ADGB: variants seen among roughly 807,000 people sequenced by gnomAD.
ADGB encodes calpain-7-like protein.
Under a neutral mutation model 210.5 loss-of-function variants are expected in ADGB, and 172 were observed. That is an observed-to-expected ratio of 0.82 (90% CI 0.72 to 0.93). The LOEUF (loss-of-function observed/expected upper bound fraction) is 0.93. ADGB is among the 40% of genes least tolerant of loss of function. ADGB has a pLI of 0.00. For missense variants in ADGB, 2,025 were observed against 1,964.8 expected (o/e 1.03, Z -0.58); for synonymous variants, 658 against 662.7 (o/e 0.99, Z 0.11).
intron 29 of ADGB, among the ~76,000 whole-genome samples, chr6:146,781,477 A>C (rs1406311975): frequency 1.3e-5 from 2 of 152,056 alleles, no homozygotes; most frequent in East Asian, 3.8e-4. Context: ...TGAATTAAAA[A>C]AAAAAACCGA....
intron 13 of ADGB, 138 bp downstream of exon 13, chr6:146,701,208 C>A (rs917036684): frequency 3.0e-6 from 3 of 999,032 alleles, no homozygotes; most frequent in Non-Finnish European, 4.2e-6. Context: ...TAAAATAAAT[C>A]TCTTATGTAT....
At chr6:146,766,581 G>A (rs2114628360) in intron 28 of ADGB, among the ~76,000 whole-genome samples, 1 of 152,130 alleles carries the variant, frequency 6.6e-6, no homozygotes, top group East Asian at 1.9e-4. Context: ...GAATAAAACA[G>A]TAAAGAATAA....
At chr6:146,639,589 G>C (rs924588492) in intron 2 of ADGB, 3 of 151,968 alleles carry the variant, frequency 2.0e-5, no homozygotes, top group Non-Finnish European at 4.4e-5. Flanking sequence ...AACTATCCCT[G>C]TTTGCAGATG....
Position 146,814,450 on chromosome 6 carries a change from CAGG to C in ADGB, c.4819-576_4819-574del, listed in dbSNP as rs537644905. 1.5e-3 allele frequency among the ~76,000 whole-genome samples: 222 copies of C among 152,212 alleles called. 1 individual carries two copies. The Middle Eastern group carries it at 0.017, about 12-fold the overall frequency. On this transcript the variant is annotated intron_variant, in intron 35 of 35. Transcript: ENST00000397944. ...AAGAGCTAAGTGAAATCAGTTGATC[CAGG>C]AGGAGAGAGTGCAGTTAAGCAAGAA... is the stretch of plus-strand genomic sequence containing the variant.
Position 146,740,542 on chromosome 6 carries a change from A to G in ADGB, c.2972A>G (p.Tyr991Cys), listed in dbSNP as rs755468048. ...GAAACTAAGATTGCTTTTGCAGATT[A>G]TACTGTGACTTATCAAGAACAGCCA... ...DEETKIAFAD[Y>C]TVTYQEQPPN... Residue 991 changes from tyrosine to cysteine, a missense_variant, in exon 24 of 36, where the codon TAT becomes TGT. Coordinates refer to ENST00000397944, the MANE Select transcript of ADGB (RefSeq NM_024694.4). The G allele has an allele frequency of 2.6e-6, 4 of 1,550,926 alleles. No homozygotes were observed. Among genetic ancestry groups the G allele is most frequent in the Non-Finnish European group, 3.5e-6 (4 of 1,146,552 alleles).
intron 4 of ADGB, among the ~76,000 whole-genome samples, chr6:146,655,670 A>G (rs185202784): frequency 6.6e-6 from 1 of 152,308 alleles, no homozygotes; most frequent in East Asian, 1.9e-4. Context: ...TTATCTCCAA[A>G]TAATTTTATG....
chr6:146,702,457 G>A lies in ADGB; in HGVS notation c.1707+1387G>A, dbSNP rs916685666. On this transcript the variant is annotated intron_variant, in intron 13 of 35. Transcript: ENST00000397944. ...TGGCAATGACCTTGAACAGTAGGATGCTGAGCTTTCCAATGTAAAACAAAT... is the reference window on the plus strand; with the variant it reads ...TGGCAATGACCTTGAACAGTAGGATACTGAGCTTTCCAATGTAAAACAAAT... Among the ~76,000 whole-genome samples the A allele has an allele frequency of 1.2e-4, 18 of 151,892 alleles. 1 individual carries two copies. The highest frequency in any genetic ancestry group is 1.1e-3 in the Admixed American group (16 of 15,232).
intron 1 of ADGB, among the ~76,000 whole-genome samples, chr6:146,632,120 A>G (rs1045505171): frequency 6.6e-6 from 1 of 152,094 alleles, no homozygotes; most frequent in African/African-American, 2.4e-5. Flanking sequence ...TGACAAATTC[A>G]TTTGGAATTC....
intron 33 of ADGB, among the ~76,000 whole-genome samples, chr6:146,788,971 C>G (rs1777919057): frequency 6.6e-6 from 1 of 152,164 alleles, no homozygotes; most frequent in Non-Finnish European, 1.5e-5. Flanking sequence ...AGATAGATTT[C>G]CTTTTTACCT....
chr6:146,657,082 G>A, intron 5 of ADGB, 102 bp downstream of exon 5: 1 of 1,081,712 alleles, frequency 9.2e-7, no homozygotes, highest in Non-Finnish European at 1.3e-6. Context: ...CACTTTGGGA[G>A]GCAAAGGCCA....
At chr6:146,667,558 G>A (rs1029219194) in intron 7 of ADGB, among the ~76,000 whole-genome samples, 2 of 151,822 alleles carry the variant, frequency 1.3e-5, no homozygotes, top group Non-Finnish European at 2.9e-5. Flanking sequence ...ATTTTGGGGT[G>A]GCATGTGCAG....
chr6:146,615,128 G>T (rs6570769), intron 1 of ADGB, among the ~76,000 whole-genome samples: 1 of 151,348 alleles, frequency 6.6e-6, no homozygotes, highest in African/African-American at 2.4e-5. Context: ...GGATGGTCTC[G>T]ATCTCCTGAC....
rs139377161 is a variant in ADGB at position 146,673,713 on chromosome 6, G to A, written c.1087+1246G>A. 3.4e-3 allele frequency among the ~76,000 whole-genome samples: 518 copies of A among 152,268 alleles called. 2 individuals are homozygous for A. Among genetic ancestry groups the A allele is most frequent in the African/African-American group, 0.012 (495 of 41,552 alleles). On this transcript the variant is annotated intron_variant, in intron 8 of 35. Transcript: ENST00000397944. The stretch of plus-strand genomic sequence containing the variant: ...ATGACTGGTAGAATTCCAAGCTGCA[G>A]AGCAAGATAGATGGTGGTACCATTT...
intron 33 of ADGB, among the ~76,000 whole-genome samples, chr6:146,789,913 A>G (rs1243836987): frequency 6.6e-6 from 1 of 152,194 alleles, no homozygotes; most frequent in Middle Eastern, 3.2e-3. Flanking sequence ...GTGATCTTGA[A>G]CTGAACACAA....
In ADGB at chr6:146,736,570, A is replaced by G. The variant is rs1352629862; in HGVS notation, c.2867A>G (p.Gln956Arg). The change falls in exon 23 of 36, where the codon CAG becomes CGG. Residue 956 changes from glutamine (Q) to arginine (R), a missense_variant. By Grantham distance (43) the Gln-to-Arg change is conservative. Coordinates refer to ENST00000397944, the MANE Select transcript of ADGB (RefSeq NM_024694.4). ...GCTGTATTGGAAATGAATTTAGAACAGTATGCAGTTTCTCTCTTAAGGTAA... is the reference window on the plus strand; with the variant it reads ...GCTGTATTGGAAATGAATTTAGAACGGTATGCAGTTTCTCTCTTAAGGTAA... The part of the protein sequence containing the change: ...VWAVLEMNLE[Q>R]YAVSLLRLMF... 1.9e-6 allele frequency: 3 copies of G among 1,548,572 alleles called. No homozygotes were observed. Among genetic ancestry groups the G allele is most frequent in the South Asian group, 1.2e-5 (1 of 83,508 alleles).
chr6:146,669,582 A>T (rs902077337), intron 7 of ADGB, among the ~76,000 whole-genome samples: 1 of 151,930 alleles, frequency 6.6e-6, no homozygotes, highest in African/African-American at 2.4e-5. Flanking sequence ...CTTTTGCAAC[A>T]CTTGCTTCCC....
intron 27 of ADGB, among the ~76,000 whole-genome samples, chr6:146,758,748 T>A (rs1308777869): frequency 6.6e-6 from 1 of 151,972 alleles, no homozygotes; most frequent in African/African-American, 2.4e-5. Context: ...TCACTGTTTT[T>A]CTTCTGACTG....
chr6:146,620,614 T>C (rs1331734769), intron 1 of ADGB, among the ~76,000 whole-genome samples: 2 of 152,132 alleles, frequency 1.3e-5, no homozygotes, highest in African/African-American at 2.4e-5. Context: ...TTTTATTCTG[T>C]ATTGCTAAGA....
intron 23 of ADGB, among the ~76,000 whole-genome samples, chr6:146,736,898 C>T (rs1583614628): frequency 6.6e-6 from 1 of 152,028 alleles, no homozygotes; most frequent in Admixed American, 6.6e-5. Context: ...GATGAGATCC[C>T]AGTCAACAAA....
Sources: gnomAD v4.1 joint callset for allele counts (sites outside exome capture counted in the v4.1 genomes callset) on GRCh38, gnomAD v4.1.1 for gene constraint, MANE v1.5 for transcripts, NCBI Gene and HGNC (gene_info 2026-07-23, HGNC 2026-07-21) for gene names.